Variants in FNDC3A observed in about 807,000 individuals in gnomAD.
FNDC3A encodes fibronectin type-III domain-containing protein 3A.
A neutral mutation model predicts 148.9 loss-of-function variants in FNDC3A; 32 were observed. The ratio of observed to expected loss-of-function variants is 0.21; its 90% CI spans 0.16 to 0.29. The LOEUF (loss-of-function observed/expected upper bound fraction) is 0.29. FNDC3A is among the 10% of genes least tolerant of loss of function. FNDC3A has a pLI of 1.00. For missense variants in FNDC3A, 1,191 were observed against 1,452.8 expected (o/e 0.82, Z 2.93); for synonymous variants, 472 against 473.6 (o/e 1.00, Z 0.04).
intron 9 of FNDC3A, among the ~76,000 whole-genome samples, chr13:49,168,216 G>T (rs1387869669): frequency 6.6e-6 from 1 of 152,124 alleles, no homozygotes; most frequent in Non-Finnish European, 1.5e-5. Context: ...TCAAAGTATT[G>T]TCCAACCTAA....
At chr13:49,097,276 T>C (rs2137829709) in intron 3 of FNDC3A, among the ~76,000 whole-genome samples, 1 of 152,078 alleles carries the variant, frequency 6.6e-6, no homozygotes, top group East Asian at 1.9e-4. Flanking sequence ...CTCAGCAGTT[T>C]TTATATTTTC....
chr13:49,160,411 TG>T (rs1197702801), intron 8 of FNDC3A, among the ~76,000 whole-genome samples: 1 of 152,182 alleles, frequency 6.6e-6, no homozygotes, highest in African/African-American at 2.4e-5. Flanking sequence ...TGCATAGAGG[TG>T]TTTATAGTAT....
chr13:48,981,121 A>T (rs1003008434), intron 1 of FNDC3A, among the ~76,000 whole-genome samples: 1 of 152,116 alleles, frequency 6.6e-6, no homozygotes, highest in Non-Finnish European at 1.5e-5. Context: ...TACAATTTTT[A>T]CTTTTTAAAT....
chr13:49,100,364 A>G (rs969583139), intron 3 of FNDC3A, among the ~76,000 whole-genome samples: 2 of 152,034 alleles, frequency 1.3e-5, no homozygotes, highest in African/African-American at 2.4e-5. Flanking sequence ...TAATTATCCT[A>G]CCTCTGCTCT....
At chr13:49,189,906 A>G (rs1217737722) in intron 17 of FNDC3A, among the ~76,000 whole-genome samples, 2 of 152,032 alleles carry the variant, frequency 1.3e-5, no homozygotes, top group African/African-American at 4.8e-5. Flanking sequence ...GTTTTTTTTG[A>G]GACAGAGTCT....
intron 3 of FNDC3A, among the ~76,000 whole-genome samples, chr13:49,078,309 CA>C (rs1188101568): frequency 6.6e-6 from 1 of 151,916 alleles, no homozygotes; most frequent in African/African-American, 2.4e-5. Context: ...TGGTCAGGAC[CA>C]AAAAAGCCTA....
At chr13:49,080,617 T>C (rs1210345375) in intron 3 of FNDC3A, among the ~76,000 whole-genome samples, 1 of 152,234 alleles carries the variant, frequency 6.6e-6, no homozygotes, top group Non-Finnish European at 1.5e-5. Flanking sequence ...AACTGGTATG[T>C]AGAAATGTAA....
At chr13:49,006,113 G>A (rs1952215872) in intron 1 of FNDC3A, 39 bp from the exon 2 acceptor site, 2 of 717,858 alleles carry the variant, frequency 2.8e-6, no homozygotes, top group East Asian at 2.7e-5. Context: ...TGTATTTTAA[G>A]GATATACTTA....
chr13:49,133,231 A>G (rs964881822), intron 5 of FNDC3A, among the ~76,000 whole-genome samples: 3 of 152,196 alleles, frequency 2.0e-5, no homozygotes, highest in African/African-American at 7.2e-5. Flanking sequence ...TTGAGTACCA[A>G]AAGTTTATAC....
chr13:48,978,304 G>GA (rs993823335), intron 1 of FNDC3A, among the ~76,000 whole-genome samples: 13 of 151,790 alleles, frequency 8.6e-5, no homozygotes, highest in Non-Finnish European at 1.5e-4. Context: ...TTAACCCCCC[G>GA]AAAAAAAGAG....
Position 49,187,756 on chromosome 13 carries a change from G to C in FNDC3A, c.1825+566G>C, listed in dbSNP as rs574087117. 2.5e-5 allele frequency: 22 copies of C among 894,736 alleles called. No homozygotes were observed. The South Asian group carries it at 3.4e-4, about 14-fold the overall frequency. 55.4% of individuals were successfully genotyped at this position (894,736 alleles called of 1,614,324 possible). ...TCACCAAGACCTTTTTTTTTTCCTG[G>C]ATTTTTTTTTTCTTTGTTTGTAGCA... On this transcript the variant is annotated intron_variant, in intron 16 of 25. Coordinates refer to ENST00000492622, the MANE Select transcript of FNDC3A (RefSeq NM_001079673.2).
intron 1 of FNDC3A, among the ~76,000 whole-genome samples, chr13:48,987,724 T>G (rs781740417): frequency 1.3e-5 from 2 of 152,268 alleles, no homozygotes; most frequent in Non-Finnish European, 2.9e-5. Flanking sequence ...TTGATTTCTT[T>G]GTAAGTGTAT....
chr13:48,992,249 C>T (rs1049441344), intron 1 of FNDC3A, among the ~76,000 whole-genome samples: 6 of 152,134 alleles, frequency 3.9e-5, no homozygotes, highest in Admixed American at 3.3e-4. Flanking sequence ...TAGGTGATTT[C>T]TTAAGTATAG....
intron 11 of FNDC3A, among the ~76,000 whole-genome samples, chr13:49,172,582 A>G (rs7338704): frequency 0.98 from 149,749 of 152,256 alleles, 73,668 homozygotes; most frequent in South Asian, 1. Context: ...TACTTGGTTC[A>G]TGGCCACATC....
intron 19 of FNDC3A, among the ~76,000 whole-genome samples, chr13:49,194,789 C>A (rs1408654106): frequency 6.6e-6 from 1 of 151,542 alleles, no homozygotes; most frequent in Admixed American, 6.6e-5. Flanking sequence ...TAAAAGGTTT[C>A]TTTTTTTTCC....
At chr13:49,043,887 G>T (rs568638017) in intron 2 of FNDC3A, among the ~76,000 whole-genome samples, 1 of 152,240 alleles carries the variant, frequency 6.6e-6, no homozygotes, top group South Asian at 2.1e-4. Context: ...ATGAAGAGAT[G>T]ACCTGAAGAC....
chr13:49,201,803 TG>T lies in FNDC3A; in HGVS notation c.2992del (p.Val998TyrfsTer53). The T allele has an allele frequency of 6.9e-7, 1 of 1,455,160 alleles. No individual in the cohort carries two copies. The highest frequency in any genetic ancestry group is 9.2e-7 in the Non-Finnish European group (1 of 1,089,394). 90.1% of individuals were successfully genotyped at this position (1,455,160 alleles called of 1,614,324 possible). A position where few individuals can be genotyped will look rare whatever the true frequency, so the allele number is the denominator to read the frequency against. ...CTAATAGTTATTTCCATTTTAGGTT[TG>T]TATCCCTATACAGAGGACCATGTCA... ...LQMEDKNGRF[V>X]SLYRGPCHTY... is the part of the protein sequence containing the mutation. On this transcript the variant is annotated frameshift_variant, in exon 24 of 26. Coordinates refer to ENST00000492622, the MANE Select transcript of FNDC3A (RefSeq NM_001079673.2). LOFTEE classifies it high-confidence loss of function.
intron 2 of FNDC3A, among the ~76,000 whole-genome samples, chr13:49,064,355 C>A (rs903606168): frequency 6.7e-6 from 1 of 149,916 alleles, no homozygotes. Context: ...AAAAAGTAGT[C>A]TGTGGAAAAA....
chr13:49,089,451 C>A (rs966629935), intron 3 of FNDC3A, among the ~76,000 whole-genome samples: 2 of 152,158 alleles, frequency 1.3e-5, no homozygotes, highest in African/African-American at 4.8e-5. Flanking sequence ...GAGAGATTGT[C>A]TGGAATAAAC....
Sources: gnomAD v4.1 joint callset for allele counts (sites outside exome capture counted in the v4.1 genomes callset) on GRCh38, gnomAD v4.1.1 for gene constraint, MANE v1.5 for transcripts, NCBI Gene and HGNC (gene_info 2026-07-23, HGNC 2026-07-21) for gene names.